SLC4A4: variants seen among roughly 807,000 people sequenced by gnomAD.
SLC4A4 encodes the protein electrogenic sodium bicarbonate cotransporter 1.
SLC4A4 carries 27 observed loss-of-function variants against 111.5 expected under a neutral mutation model. That is an observed-to-expected ratio of 0.24 (90% CI 0.18 to 0.33). The LOEUF is 0.33. SLC4A4 is among the 10% of genes least tolerant of loss of function. The pLI is 1.00. For synonymous variants in SLC4A4, 443 were observed against 463.4 expected (o/e 0.96, Z 0.57); for missense variants, 909 against 1,315.5 (o/e 0.69, Z 4.78).
chr4:71,180,089 C>G (rs994948532), intron 2 of SLC4A4, among the ~76,000 whole-genome samples: 7 of 152,140 alleles, frequency 4.6e-5, no homozygotes, highest in South Asian at 2.1e-4. Context: ...CTGACAAAAA[C>G]AAGAATGGGG....
chr4:71,257,763 C>T (rs2579333), intron 3 of SLC4A4, among the ~76,000 whole-genome samples: 135,273 of 152,194 alleles, frequency 0.89, 61,676 homozygotes, highest in Non-Finnish European at 0.99. Flanking sequence ...TGGCAGTGCG[C>T]GATGTGATGC....
At chr4:71,121,704 T>G (rs1743433735) in intron 2 of SLC4A4, among the ~76,000 whole-genome samples, 1 of 152,102 alleles carries the variant, frequency 6.6e-6, no homozygotes, top group South Asian at 2.1e-4. Flanking sequence ...AATGGACCAA[T>G]CAGCAAGATG....
At chr4:71,106,355 G>T (rs1742918537) in intron 2 of SLC4A4, among the ~76,000 whole-genome samples, 2 of 151,302 alleles carry the variant, frequency 1.3e-5, no homozygotes, top group Non-Finnish European at 2.9e-5. Flanking sequence ...CGTTGTGGAA[G>T]TCAGTGTGGC....
chr4:71,245,067 A>C (rs1720551488), intron 2 of SLC4A4, among the ~76,000 whole-genome samples: 1 of 152,122 alleles, frequency 6.6e-6, no homozygotes, highest in Non-Finnish European at 1.5e-5. Flanking sequence ...GGAATTTGCT[A>C]GGTGAAGAAT....
At chr4:71,102,681 G>C (rs1223911167) in intron 2 of SLC4A4, among the ~76,000 whole-genome samples, 2 of 148,922 alleles carry the variant, frequency 1.3e-5, no homozygotes, top group African/African-American at 5.0e-5. Context: ...AGCTTCATAA[G>C]TGAAGGAGAA....
At chr4:71,247,872 G>A (rs1252843878) in intron 2 of SLC4A4, among the ~76,000 whole-genome samples, 2 of 152,150 alleles carry the variant, frequency 1.3e-5, no homozygotes, top group Admixed American at 1.3e-4. Context: ...CCTAGTGCTG[G>A]ACTTCCTAGG....
chr4:71,162,287 T>A (rs1744634973), intron 2 of SLC4A4, among the ~76,000 whole-genome samples: 1 of 152,154 alleles, frequency 6.6e-6, no homozygotes, highest in Non-Finnish European at 1.5e-5. Flanking sequence ...GTTACTGAGA[T>A]AATAAGTAGG....
rs1356989740 is a variant in SLC4A4 at position 71,557,720 on chromosome 4, T to C, written c.2772T>C (p.Asp924=). 6.2e-7 allele frequency: 1 copy of C among 1,612,714 alleles called. No homozygotes were observed. The highest frequency in any genetic ancestry group is 1.7e-5 in the Admixed American group (1 of 59,886). The change falls in exon 22 of 26, where the codon GAT becomes GAC. Residue 924 remains aspartate (D), a synonymous_variant. Coordinates refer to ENST00000264485, the MANE Select transcript of SLC4A4 (RefSeq NM_001098484.3). ...TCCTCTTTCCTCCCCAGTTCATGGA[T>C]CGTCTGAAGCTGCTTCTGATGCCTC... ...VASLNGVQFM[D]RLKLLLMPLK...
chr4:71,189,526 T>C (rs1745639527), intron 1 of SLC4A4, among the ~76,000 whole-genome samples: 1 of 152,180 alleles, frequency 6.6e-6, no homozygotes. Flanking sequence ...GTAATCTCAT[T>C]TTTCGCTGAG....
intron 5 of SLC4A4, among the ~76,000 whole-genome samples, chr4:71,355,350 G>A (rs1730190004): frequency 6.6e-6 from 1 of 152,210 alleles, no homozygotes; most frequent in South Asian, 2.1e-4. Context: ...ACTTTAAAAG[G>A]ACTTAAAGGA....
At chr4:71,370,258 A>G (rs776957979) in intron 6 of SLC4A4, among the ~76,000 whole-genome samples, 12 of 152,198 alleles carry the variant, frequency 7.9e-5, no homozygotes, top group Non-Finnish European at 1.3e-4. Context: ...GAGCTTCATC[A>G]TATGGTAGTT....
chr4:71,359,848 C>T (rs1396971536), intron 6 of SLC4A4, among the ~76,000 whole-genome samples: 2 of 152,102 alleles, frequency 1.3e-5, no homozygotes, highest in African/African-American at 4.8e-5. Context: ...TGTCTTTAAT[C>T]ATAGGCTACA....
chr4:71,520,934 C>G (rs1436893096), intron 16 of SLC4A4, among the ~76,000 whole-genome samples: 1 of 151,994 alleles, frequency 6.6e-6, no homozygotes, highest in African/African-American at 2.4e-5. Flanking sequence ...AGTGATCCTC[C>G]CACCTCAGAA....
intron 6 of SLC4A4, among the ~76,000 whole-genome samples, chr4:71,357,586 T>C (rs1730397353): frequency 6.6e-6 from 1 of 152,208 alleles, no homozygotes; most frequent in African/African-American, 2.4e-5. Context: ...ATATGATAAA[T>C]GCCTTGAAAT....
chr4:71,499,893 T>G (rs532522696), intron 16 of SLC4A4, among the ~76,000 whole-genome samples: 2 of 152,220 alleles, frequency 1.3e-5, no homozygotes, highest in East Asian at 3.9e-4. Flanking sequence ...AACATGAGAG[T>G]GTTGACATCT....
intron 7 of SLC4A4, 83 bp downstream of exon 7, chr4:71,397,736 G>A: frequency 8.1e-7 from 1 of 1,241,000 alleles, no homozygotes; most frequent in Non-Finnish European, 1.2e-6. Flanking sequence ...GGTGATGGTT[G>A]CTTCACTTAA....
At chr4:71,288,918 A>C (rs1724123069) in intron 3 of SLC4A4, among the ~76,000 whole-genome samples, 1 of 152,174 alleles carries the variant, frequency 6.6e-6, no homozygotes, top group Non-Finnish European at 1.5e-5. Context: ...TTGGAATCAA[A>C]ATATGCATAA....
intron 2 of SLC4A4, among the ~76,000 whole-genome samples, chr4:71,155,778 T>C (rs1027265798): frequency 6.6e-6 from 1 of 152,150 alleles, no homozygotes; most frequent in African/African-American, 2.4e-5. Context: ...TTTTCCTCTG[T>C]ATTTCTGTTT....
At chr4:71,376,156 T>TACACACACACACACAC (rs146405766) in intron 6 of SLC4A4, among the ~76,000 whole-genome samples, 1 of 135,518 alleles carries the variant, frequency 7.4e-6, no homozygotes, top group African/African-American at 2.8e-5. Flanking sequence ...CCTGTATATA[T>TACACACACACACACAC]ACACACACAC....
Sources: allele counts gnomAD v4.1 joint callset (sites outside exome capture counted in the v4.1 genomes callset), GRCh38; gene constraint gnomAD v4.1.1; transcripts MANE v1.5; gene names NCBI Gene and HGNC (gene_info 2026-07-23, HGNC 2026-07-21).